Variants in NUP85 observed in about 807,000 individuals in gnomAD.
NUP85 encodes the protein nucleoporin 85.
NUP85 carries 23 observed loss-of-function variants against 92.8 expected under a neutral mutation model. That is an observed-to-expected ratio of 0.25 (90% CI 0.18 to 0.35). NUP85 has a LOEUF of 0.35. Among genes scored for constraint, NUP85 ranks in the 10% least tolerant of loss-of-function variants. NUP85 has a pLI of 1.00. For missense variants in NUP85, 759 were observed against 822.8 expected (o/e 0.92, Z 0.95); for synonymous variants, 314 against 306.9 (o/e 1.02, Z -0.24).
intron 18 of NUP85, 45 bp from the exon 19 acceptor site, chr17:75,235,533 G>A: frequency 7.0e-7 from 1 of 1,419,646 alleles, no homozygotes; most frequent in Non-Finnish European, 9.9e-7. Context: ...GTGTGAAAGG[G>A]CTCCTTCCTG....
chr17:75,229,442 G>A (rs760796310), intron 11 of NUP85, among the ~76,000 whole-genome samples: 3 of 152,118 alleles, frequency 2.0e-5, no homozygotes, highest in Admixed American at 6.6e-5. Flanking sequence ...TCCCAACTCC[G>A]CAGCGTTCTC....
intron 7 of NUP85, among the ~76,000 whole-genome samples, chr17:75,220,808 T>C (rs1172474634): frequency 6.6e-6 from 1 of 151,788 alleles, no homozygotes; most frequent in East Asian, 1.9e-4. Context: ...GGTTTCATCA[T>C]GTTGGTCAGG....
chr17:75,220,321 T>C (rs62086190), intron 7 of NUP85, among the ~76,000 whole-genome samples: 37 of 151,966 alleles, frequency 2.4e-4, no homozygotes, highest in Admixed American at 7.9e-4. Context: ...GATGGGGTTT[T>C]ACCATATTGG....
chr17:75,212,561 C>T (rs890321159), intron 4 of NUP85, among the ~76,000 whole-genome samples: 3 of 148,598 alleles, frequency 2.0e-5, no homozygotes, highest in African/African-American at 4.9e-5. Flanking sequence ...ATGAGCTCAC[C>T]GCCTGGGCTC....
At position 75,234,666 on chromosome 17, in the gene NUP85, G is replaced by A. The variant is rs1159759440; in HGVS notation, c.1645G>A (p.Gly549Arg). Reference protein sequence around the residue: ...GKYREFHRMYGEKRFADAASL... With the variant: ...GKYREFHRMYREKRFADAASL... ...GTATCGCGAGTTCCACCGTATGTAC[G>A]GGGAGAAGCGTTTTGCCGACGCAGC... The change falls in exon 17 of 19, where the codon GGG becomes AGG. Residue 549 changes from glycine to arginine, a missense_variant. Coordinates refer to ENST00000245544, the MANE Select transcript of NUP85 (RefSeq NM_024844.5). 6 of 1,614,198 alleles carry A rather than the reference G, an allele frequency of 3.7e-6. No homozygotes were observed. Among genetic ancestry groups the A allele is most frequent in the South Asian group, 3.3e-5 (3 of 91,082 alleles).
intron 11 of NUP85, chr17:75,228,350 C>T (rs1184149707): frequency 3.0e-6 from 3 of 985,334 alleles, no homozygotes; most frequent in African/African-American, 3.5e-5. Context: ...CTCAGCCTCT[C>T]TCCACTCTCA....
At chr17:75,233,600 T>C (rs1358184073) in intron 16 of NUP85, among the ~76,000 whole-genome samples, 1 of 151,358 alleles carries the variant, frequency 6.6e-6, no homozygotes, top group Non-Finnish European at 1.5e-5. Flanking sequence ...TTTTGTATTT[T>C]ATTTATTTAT....
intron 7 of NUP85, 151 bp from the exon 8 acceptor site, chr17:75,224,952 C>G: frequency 3.1e-6 from 2 of 643,256 alleles, no homozygotes; most frequent in Non-Finnish European, 2.5e-6. Flanking sequence ...GGGAAAGAGC[C>G]ATCATTCTTC....
chr17:75,213,329 CT>C (rs542676397), intron 5 of NUP85, among the ~76,000 whole-genome samples: 1,485 of 141,954 alleles, frequency 0.01, 10 homozygotes, highest in African/African-American at 0.028. Context: ...TGTTCGGTTC[CT>C]TTTTTTTTTT....
chr17:75,233,409 CTTTCTTTCT>C (rs1598355846), intron 16 of NUP85, among the ~76,000 whole-genome samples: 1 of 123,254 alleles, frequency 8.1e-6, no homozygotes, highest in East Asian at 2.4e-4. Flanking sequence ...CTTTCTCTTT[CTTTCTTTCT>C]TCTTTTCTTT....
At chr17:75,215,984 G>A (rs1037950048) in intron 6 of NUP85, among the ~76,000 whole-genome samples, 161 bp downstream of exon 6, 15 of 152,168 alleles carry the variant, frequency 9.9e-5, no homozygotes, top group African/African-American at 3.6e-4. Flanking sequence ...AAAGAAACCT[G>A]ACCGTTTTGT....
intron 1 of NUP85, among the ~76,000 whole-genome samples, chr17:75,207,543 G>C (rs2075123317): frequency 1.3e-5 from 2 of 151,772 alleles, no homozygotes; most frequent in South Asian, 4.2e-4. Context: ...GCAGTGGCGT[G>C]ATCTCAGCTC....
rs201751185 is a variant in NUP85, at chr17:75,213,097, A to G, written c.383A>G (p.Asn128Ser). The change falls in exon 5 of 19, where the codon AAT becomes AGT. Residue 128 changes from asparagine to serine, a missense_variant. Transcript: ENST00000245544. ...TTAGTTGCTGCTAAAGATCCAGCCA[A>G]TGGCCGCCAGTTCAGCAGCCAGGTA... ...QVAIAAKDPA[N>S]GRQFSSQVSI... The G allele has an allele frequency of 3.9e-5, 63 of 1,613,664 alleles. No individual in the cohort carries two copies. Among genetic ancestry groups the G allele is most frequent in the East Asian group, 6.7e-5 (3 of 44,876 alleles).
chr17:75,207,791 C>A (rs368557284), intron 1 of NUP85, among the ~76,000 whole-genome samples: 11 of 152,068 alleles, frequency 7.2e-5, no homozygotes, highest in African/African-American at 2.6e-4. Flanking sequence ...AGTTCGAGAT[C>A]AACCTGGCCA....
chr17:75,230,657 CCAA>C (rs1434146460), intron 11 of NUP85, among the ~76,000 whole-genome samples: 7 of 152,188 alleles, frequency 4.6e-5, no homozygotes, highest in African/African-American at 7.2e-5. Context: ...CCGCGCCCGG[CCAA>C]CAACATGTTT....
chr17:75,227,880 A>T (rs1225678691), intron 11 of NUP85: 1 of 151,666 alleles, frequency 6.6e-6, no homozygotes, highest in African/African-American at 2.4e-5. Context: ...AGCTCAAGCG[A>T]TCTGCCTGTC....
intron 1 of NUP85, 54 bp downstream of exon 1, chr17:75,205,848 G>C (rs2075061461): frequency 1.3e-6 from 2 of 1,597,308 alleles, no homozygotes; most frequent in Admixed American, 1.7e-5. Flanking sequence ...AACTGCGTCT[G>C]CTTAGTTACT....
intron 7 of NUP85, among the ~76,000 whole-genome samples, chr17:75,220,713 T>G (rs990543642): frequency 6.6e-6 from 1 of 151,798 alleles, no homozygotes; most frequent in African/African-American, 2.4e-5. Context: ...GTCTACCAAG[T>G]AGCTGGGATT....
chr17:75,213,234 A>C (rs2075327129), intron 5 of NUP85, 115 bp downstream of exon 5: 3 of 835,914 alleles, frequency 3.6e-6, no homozygotes, highest in Admixed American at 4.5e-5. Context: ...TCAGGTAGAT[A>C]GGCAGCTCCT....
Sources: allele counts gnomAD v4.1 joint callset (sites outside exome capture counted in the v4.1 genomes callset), GRCh38; gene constraint gnomAD v4.1.1; transcripts MANE v1.5; gene names NCBI Gene and HGNC (gene_info 2026-07-23, HGNC 2026-07-21).